Variants in MACROD2 observed in about 807,000 individuals in gnomAD.
MACROD2 encodes the protein ADP-ribose glycohydrolase MACROD2.
Under a neutral mutation model 70.4 loss-of-function variants are expected in MACROD2, and 36 were observed. That is an observed-to-expected ratio of 0.51 (90% CI 0.39 to 0.68). The LOEUF is 0.68. Among genes scored for constraint, MACROD2 ranks in the 30% least tolerant of loss-of-function variants. The pLI is 0.00. For missense variants in MACROD2, 496 were observed against 538.4 expected (o/e 0.92, Z 0.78); for synonymous variants, 172 against 178.8 (o/e 0.96, Z 0.30).
chr20:15,518,533 C>T (rs1350977793), intron 8 of MACROD2, among the ~76,000 whole-genome samples: 2 of 152,188 alleles, frequency 1.3e-5, no homozygotes, highest in Non-Finnish European at 2.9e-5. Context: ...GGGCCTCCAT[C>T]TCTTTTTGCT....
At chr20:15,879,680 T>TAA (rs1397107792) in intron 9 of MACROD2, among the ~76,000 whole-genome samples, 3 of 152,032 alleles carry the variant, frequency 2.0e-5, no homozygotes, top group Admixed American at 2.0e-4. Context: ...ATTAGTCAGG[T>TAA]TTTTGCAGAG....
chr20:14,997,754 C>T (rs1393812821), intron 5 of MACROD2, among the ~76,000 whole-genome samples: 1 of 152,078 alleles, frequency 6.6e-6, no homozygotes, highest in Non-Finnish European at 1.5e-5. Context: ...CTTGAATCAG[C>T]AGTAGCCAGG....
chr20:15,688,020 CT>C (rs1277670540), intron 8 of MACROD2, among the ~76,000 whole-genome samples: 1 of 152,182 alleles, frequency 6.6e-6, no homozygotes, highest in Non-Finnish European at 1.5e-5. Context: ...CATTTGCTTT[CT>C]GTCCTGCTAT....
intron 5 of MACROD2, among the ~76,000 whole-genome samples, chr20:15,077,410 G>A (rs1268221772): frequency 6.6e-6 from 1 of 152,028 alleles, no homozygotes; most frequent in East Asian, 1.9e-4. Context: ...TTTCATTTCT[G>A]GAACCATATT....
chr20:14,074,779 T>G (rs1456408126), intron 2 of MACROD2, among the ~76,000 whole-genome samples: 1 of 152,192 alleles, frequency 6.6e-6, no homozygotes, highest in African/African-American at 2.4e-5. Context: ...TTAGTTTTGC[T>G]TTCTGCAGTT....
At chr20:15,531,859 CTA>C in intron 8 of MACROD2, among the ~76,000 whole-genome samples, 1 of 152,006 alleles carries the variant, frequency 6.6e-6, no homozygotes. Context: ...TAATTGCATT[CTA>C]TAATAGGGAA....
At chr20:15,067,467 A>G (rs915147562) in intron 5 of MACROD2, among the ~76,000 whole-genome samples, 3 of 152,140 alleles carry the variant, frequency 2.0e-5, no homozygotes, top group African/African-American at 7.2e-5. Flanking sequence ...CTCCTGCCTC[A>G]GCCACCAGAG....
intron 12 of MACROD2, among the ~76,000 whole-genome samples, chr20:15,945,217 T>A (rs577256318): frequency 6.6e-6 from 1 of 152,334 alleles, no homozygotes; most frequent in South Asian, 2.1e-4. Flanking sequence ...TCAATTTTTT[T>A]AGTCATTATT....
intron 8 of MACROD2, 125 bp from the exon 9 acceptor site, chr20:15,862,620 A>G (rs1202537140): frequency 1.2e-5 from 8 of 676,952 alleles, no homozygotes; most frequent in Admixed American, 2.8e-5. Context: ...GCTATGATGT[A>G]GATAGCAGTA....
chr20:14,246,854 G>A (rs1334165592), intron 3 of MACROD2, among the ~76,000 whole-genome samples: 1 of 152,070 alleles, frequency 6.6e-6, no homozygotes, highest in Non-Finnish European at 1.5e-5. Context: ...CAAAGTACTT[G>A]ATTCATATCT....
Position 14,366,939 on chromosome 20 carries a change from T to C in MACROD2, c.272-126540T>C, listed in dbSNP as rs1712908401. Among the ~76,000 whole-genome samples, 4 of 152,010 alleles carry C rather than the reference T, an allele frequency of 2.6e-5. No homozygotes were observed. The South Asian group carries it at 8.6e-4, about 33-fold the overall frequency. ...GAAAGGCTTGCTTCTGCCATTTTGC[T>C]ATTTGTTTTCTGTATGTCTTATAGC... is the stretch of plus-strand genomic sequence containing the variant. On this transcript the variant is annotated intron_variant, in intron 3 of 17. Coordinates refer to ENST00000684519, the MANE Select transcript of MACROD2 (RefSeq NM_001351661.2).
chr20:15,547,795 T>G (rs943482697), intron 8 of MACROD2, among the ~76,000 whole-genome samples: 1 of 152,220 alleles, frequency 6.6e-6, no homozygotes, highest in Non-Finnish European at 1.5e-5. Context: ...CCAAGACAGA[T>G]GGATTCCTGT....
chr20:15,101,048 A>T lies in MACROD2; in HGVS notation c.419-128892A>T, dbSNP rs185230320. Among the ~76,000 whole-genome samples, 3 of 152,152 alleles carry T rather than the reference A, an allele frequency of 2.0e-5. 1 individual carries two copies. Among genetic ancestry groups the T allele is most frequent in the Non-Finnish European group, 4.4e-5 (3 of 68,022 alleles). On this transcript the variant is annotated intron_variant, in intron 5 of 17. Transcript: ENST00000684519. ...AAAATGTGAGAATTTGATGACTAAG[A>T]TACTGCTATTACTGTTTTCACTGTA...
chr20:14,918,617 GT>G (rs201821065), intron 5 of MACROD2, among the ~76,000 whole-genome samples: 8,981 of 127,738 alleles, frequency 0.07, 775 homozygotes, highest in African/African-American at 0.22. Flanking sequence ...TGTTTTTTTT[GT>G]TTTTTTTTTT....
At chr20:15,347,598 G>A (rs1226469341) in intron 6 of MACROD2, among the ~76,000 whole-genome samples, 2 of 152,106 alleles carry the variant, frequency 1.3e-5, no homozygotes, top group Non-Finnish European at 2.9e-5. Context: ...AAAATTGTAA[G>A]CCATTCCTTC....
At chr20:14,382,677 T>TATAA (rs746201530) in intron 3 of MACROD2, among the ~76,000 whole-genome samples, 1,379 of 82,588 alleles carry the variant, frequency 0.017, 8 homozygotes, top group South Asian at 0.031. Context: ...TCAAAAAAGA[T>TATAA]ATAAATAAAT....
chr20:15,101,314 A>G (rs981495712), intron 5 of MACROD2, among the ~76,000 whole-genome samples: 9 of 151,900 alleles, frequency 5.9e-5, no homozygotes, highest in Non-Finnish European at 7.4e-5. Context: ...GAAATGATTC[A>G]ATTTCCTATC....
chr20:15,762,103 C>T (rs1237829204), intron 8 of MACROD2, among the ~76,000 whole-genome samples: 1 of 152,030 alleles, frequency 6.6e-6, no homozygotes, highest in African/African-American at 2.4e-5. Context: ...AGAATAAAAG[C>T]CCCAGCTATT....
At chr20:15,290,540 C>T (rs2146106064) in intron 6 of MACROD2, among the ~76,000 whole-genome samples, 1 of 152,250 alleles carries the variant, frequency 6.6e-6, no homozygotes, top group East Asian at 1.9e-4. Context: ...ATGAGACACT[C>T]AGGATTATGG....
Sources: gnomAD v4.1 joint callset for allele counts (sites outside exome capture counted in the v4.1 genomes callset) on GRCh38, gnomAD v4.1.1 for gene constraint, MANE v1.5 for transcripts, NCBI Gene and HGNC (gene_info 2026-07-23, HGNC 2026-07-21) for gene names.